TIAM1: variants seen among roughly 807,000 people sequenced by gnomAD.
TIAM1 encodes TIAM Rac1 associated GEF 1, also known as rho guanine nucleotide exchange factor TIAM1.
Under a neutral mutation model 163.5 loss-of-function variants are expected in TIAM1, and 65 were observed. That is an observed-to-expected ratio of 0.40 (90% CI 0.33 to 0.49). The LOEUF is 0.49. Among genes scored for constraint, TIAM1 ranks in the 20% least tolerant of loss-of-function variants. The pLI is 0.77. For synonymous variants in TIAM1, 833 were observed against 810.1 expected (o/e 1.03, Z -0.48); for missense variants, 1,789 against 2,044.7 (o/e 0.87, Z 2.41).
At chr21:31,127,512 G>C (rs750514234) in intron 25 of TIAM1, among the ~76,000 whole-genome samples, 1 of 151,246 alleles carries the variant, frequency 6.6e-6, no homozygotes, top group African/African-American at 2.4e-5. Flanking sequence ...TCTGCCTCCC[G>C]GGTTCAAGTG....
rs572356384 is a variant in TIAM1, at chr21:31,507,179, A to ATTTTTTTTTTTTTTTTT, written c.-421-43161_-421-43145dup. On this transcript the variant is annotated intron_variant, in intron 1 of 28. Coordinates refer to the TIAM1 transcript ENST00000286827. ...TTTTTGAGGTGCATGCACCTTTTTAATTTTTTTTTTTTTTTTTTTTTTTTT... is the reference window on the plus strand; with the variant it reads ...TTTTTGAGGTGCATGCACCTTTTTAATTTTTTTTTTTTTTTTTTTTTTTTTTTTTTTTTTTTTTTTTT... Among the ~76,000 whole-genome samples, 5 of 44,540 alleles carry ATTTTTTTTTTTTTTTTT rather than the reference A, an allele frequency of 1.1e-4. 1 individual carries two copies. Among genetic ancestry groups the ATTTTTTTTTTTTTTTTT allele is most frequent in the South Asian group, 2.4e-3 (2 of 840 alleles). 29.2% of individuals were successfully genotyped at this position (44,540 alleles called of 152,430 possible).
chr21:31,407,872 A>G (rs2077275430), intron 2 of TIAM1, among the ~76,000 whole-genome samples: 2 of 152,160 alleles, frequency 1.3e-5, no homozygotes, highest in African/African-American at 4.8e-5. Flanking sequence ...TCCTGACCTC[A>G]GGTGATCGGC....
At chr21:31,289,925 G>T (rs2073951557) in intron 2 of TIAM1, among the ~76,000 whole-genome samples, 1 of 152,150 alleles carries the variant, frequency 6.6e-6, no homozygotes. Context: ...AAGTGAAACA[G>T]ACACTAGGCT....
At chr21:31,437,282 G>A (rs1211796778) in intron 2 of TIAM1, among the ~76,000 whole-genome samples, 1 of 151,970 alleles carries the variant, frequency 6.6e-6, no homozygotes, top group Non-Finnish European at 1.5e-5. Flanking sequence ...TAATCCTAAG[G>A]ATTGCTTGAG....
At chr21:31,438,322 G>A (rs1440926757) in intron 2 of TIAM1, among the ~76,000 whole-genome samples, 1 of 150,630 alleles carries the variant, frequency 6.6e-6, no homozygotes, top group East Asian at 2.0e-4. Context: ...CTCCCAAGTA[G>A]CTGGGATTAC....
At chr21:31,271,662 C>T (rs1190560157) in intron 3 of TIAM1, among the ~76,000 whole-genome samples, 1 of 145,754 alleles carries the variant, frequency 6.9e-6, no homozygotes, top group East Asian at 2.1e-4. Context: ...TTTGGAGCTG[C>T]AGTGCAGAGG....
In TIAM1 at chr21:31,184,554, T is replaced by C. The variant is rs2085191713; in HGVS notation, c.2663-1909A>G. On this transcript the variant is annotated intron_variant, in intron 14 of 27. Coordinates refer to ENST00000541036, the MANE Select transcript of TIAM1 (RefSeq NM_001353694.2). Reference sequence around the variant, plus strand: ...GCAAGGGGGTTAGTACAGATGACCGTTCATCTTCATTTAACACCAGGGCTC... The same window carrying C: ...GCAAGGGGGTTAGTACAGATGACCGCTCATCTTCATTTAACACCAGGGCTC... Among the ~76,000 whole-genome samples the C allele has an allele frequency of 2.6e-5, 4 of 152,160 alleles. No individual in the cohort carries two copies. In the South Asian group the frequency reaches 8.3e-4, roughly 31 times the overall value.
chr21:31,394,729 C>CTCTCTG (rs66738625), intron 2 of TIAM1, among the ~76,000 whole-genome samples: 1 of 35,606 alleles, frequency 2.8e-5, no homozygotes, highest in South Asian at 1.2e-3. Context: ...CTCTCTCTCT[C>CTCTCTG]ACACACACAC....
rs142520670 is a variant in TIAM1 at position 31,309,054 on chromosome 21, G to A, written c.-189+30189C>T. Among the ~76,000 whole-genome samples the A allele has an allele frequency of 4.8e-3, 730 of 152,178 alleles. 7 individuals are homozygous for A. The highest frequency in any genetic ancestry group is 0.016 in the African/African-American group (681 of 41,518). Reference sequence around the variant, plus strand: ...CCTCCACCTCACCAAATCTCTGCACGATATACCGATCAATTCTGTGGGAGG... The same window carrying A: ...CCTCCACCTCACCAAATCTCTGCACAATATACCGATCAATTCTGTGGGAGG... On this transcript the variant is annotated intron_variant, in intron 2 of 27. Coordinates refer to ENST00000541036, the MANE Select transcript of TIAM1 (RefSeq NM_001353694.2).
intron 1 of TIAM1, among the ~76,000 whole-genome samples, chr21:31,492,315 G>T (rs2154514): frequency 0.32 from 48,127 of 151,924 alleles, 8,386 homozygotes; most frequent in East Asian, 0.71. Context: ...ATCTTTACCC[G>T]AAAACAGTTC....
intron 1 of TIAM1, among the ~76,000 whole-genome samples, chr21:31,467,291 C>T (rs1257401481): frequency 6.6e-6 from 1 of 152,208 alleles, no homozygotes; most frequent in Non-Finnish European, 1.5e-5. Context: ...ACGTTCACAA[C>T]ACTGCACTCC....
In TIAM1 at chr21:31,228,219, TTAAAAAAAAAAAAAAAAAAAAAA is replaced by T. The variant is rs1347095223; in HGVS notation, c.1585-2292_1585-2270del. ...AGCCACCATGCCCGGCCTCCTTTTT[TTAAAAAAAAAAAAAAAAAAAAAA>T]AAAAAAAAAAAAAAAAAGGAAGGAA... On this transcript the variant is annotated intron_variant, in intron 6 of 27. Coordinates refer to ENST00000541036, the MANE Select transcript of TIAM1 (RefSeq NM_001353694.2). Among the ~76,000 whole-genome samples the T allele has an allele frequency of 1.4e-3, 25 of 17,628 alleles. 1 individual carries two copies. Among genetic ancestry groups the T allele is most frequent in the Non-Finnish European group, 2.0e-3 (19 of 9,646 alleles). The allele number at this position is 17,628 out of a possible 152,430, so 11.6% of individuals were successfully genotyped here.
chr21:31,295,184 T>TA (rs1199315153), intron 2 of TIAM1, among the ~76,000 whole-genome samples: 9 of 152,118 alleles, frequency 5.9e-5, no homozygotes, highest in African/African-American at 2.2e-4. Context: ...TAAAGGGTCT[T>TA]AAAGGGCCAG....
chr21:31,143,363 G>T, intron 20 of TIAM1, among the ~76,000 whole-genome samples: 1 of 151,688 alleles, frequency 6.6e-6, no homozygotes, highest in Non-Finnish European at 1.5e-5. Flanking sequence ...TTTCATAACA[G>T]CACCTGGAAT....
chr21:31,359,902 G>T (rs1255607193), intron 2 of TIAM1, among the ~76,000 whole-genome samples: 6 of 151,858 alleles, frequency 4.0e-5, no homozygotes, highest in Admixed American at 3.9e-4. Context: ...GATGTAATAT[G>T]AAGAAAAAAG....
intron 2 of TIAM1, among the ~76,000 whole-genome samples, chr21:31,410,098 T>TGA (rs71318272): frequency 0.23 from 34,357 of 151,732 alleles, 5,298 homozygotes; most frequent in African/African-American, 0.44. Flanking sequence ...TGTGTGTGTG[T>TGA]GTGTGAGGTT....
intron 27 of TIAM1, 198 bp downstream of exon 27, chr21:31,124,324 T>C (rs2146207064): frequency 1.8e-6 from 1 of 567,512 alleles, no homozygotes; most frequent in Non-Finnish European, 2.8e-6. Flanking sequence ...AAGAGGAATG[T>C]AGATACAGGG....
intron 2 of TIAM1, among the ~76,000 whole-genome samples, chr21:31,460,283 A>C (rs1450054569): frequency 6.6e-6 from 1 of 152,148 alleles, no homozygotes; most frequent in Non-Finnish European, 1.5e-5. Flanking sequence ...GACCACACAC[A>C]CATAAAGGCA....
chr21:31,298,838 G>C (rs2074396161), intron 2 of TIAM1, among the ~76,000 whole-genome samples: 1 of 151,544 alleles, frequency 6.6e-6, no homozygotes, highest in Admixed American at 6.6e-5. Context: ...AACAGATGGA[G>C]AGAGAACTGG....
Sources: allele counts gnomAD v4.1 joint callset (sites outside exome capture counted in the v4.1 genomes callset), GRCh38; gene constraint gnomAD v4.1.1; transcripts MANE v1.5; gene names NCBI Gene and HGNC (gene_info 2026-07-23, HGNC 2026-07-21).